The following CACNA1I variants were observed in gnomAD, a reference collection of about 807,000 sequenced individuals.
CACNA1I encodes calcium voltage-gated channel subunit alpha1 I.
In CACNA1I, 74 loss-of-function variants were observed where a neutral mutation model predicts 201.6. That is an observed-to-expected ratio of 0.37 (90% CI 0.30 to 0.45). CACNA1I has a LOEUF of 0.45. Among genes scored for constraint, CACNA1I ranks in the 20% least tolerant of loss-of-function variants. CACNA1I has a pLI of 1.00. For synonymous variants in CACNA1I, 1,431 were observed against 1,345.2 expected, an observed-to-expected ratio of 1.06 and a Z score of -1.40; for missense variants, 2,346 against 3,138.1, an observed-to-expected ratio of 0.75 and a Z score of 6.03.
In CACNA1I at chr22:39,640,063, G is replaced by C. The variant is rs60789220; in HGVS notation, c.741-804G>C. The stretch of plus-strand genomic sequence containing the variant: ...CTTCTGGATGGTCATAGTAGGGATT[G>C]TTGTCTGTTTTATAGATGAGGAAAT... On this transcript the variant is annotated intron_variant, in intron 5 of 36. Transcript: ENST00000402142. Among the ~76,000 whole-genome samples, 753 of 152,282 alleles carry C rather than the reference G, an allele frequency of 4.9e-3. 10 individuals carry two copies. Among genetic ancestry groups the C allele is most frequent in the African/African-American group, 0.017 (708 of 41,556 alleles).
In CACNA1I at chr22:39,650,601, C is replaced by T. The variant is rs1246682134; in HGVS notation, c.1992+676C>T. Among the ~76,000 whole-genome samples, 4 of 152,354 alleles carry T rather than the reference C, an allele frequency of 2.6e-5. No individual in the cohort carries two copies. The East Asian group carries it at 7.7e-4, about 29-fold the overall frequency. ...AGACCTTTGCATGACCCTCAAGGCCCCTTGTCTCTGTCACAACGTCCCTTC... is the reference window on the plus strand; with the variant it reads ...AGACCTTTGCATGACCCTCAAGGCCTCTTGTCTCTGTCACAACGTCCCTTC... On this transcript the variant is annotated intron_variant, in intron 10 of 36. Transcript: ENST00000402142.
Position 39,684,834 on chromosome 22 carries a change from A to T in CACNA1I, c.6027+336A>T. On this transcript the variant is annotated intron_variant, in intron 36 of 36. Coordinates refer to ENST00000402142, the MANE Select transcript of CACNA1I (RefSeq NM_021096.4). The surrounding 1 kb of genome is among the most constrained non-coding windows in gnomAD (Gnocchi z 4.6). ...TTTTGCAGGGTGGCGGGGTGCTGGC[A>T]GTGGGGAGGACACCCTGGGTGCTCT... 6.7e-6 allele frequency: 3 copies of T among 445,694 alleles called. No individual in the cohort carries two copies. Among genetic ancestry groups the T allele is most frequent in the East Asian group, 4.0e-5 (1 of 25,278 alleles). 27.6% of individuals were successfully genotyped at this position (445,694 alleles called of 1,614,324 possible).
chr22:39,581,884 G>A (rs968590249), intron 1 of CACNA1I, among the ~76,000 whole-genome samples: 5 of 152,266 alleles, frequency 3.3e-5, no homozygotes, highest in Non-Finnish European at 5.9e-5. Flanking sequence ...TTGCTCTCTA[G>A]TCTTCCTCTT....
chr22:39,622,266 C>T (rs1255692102), intron 4 of CACNA1I, among the ~76,000 whole-genome samples: 13 of 152,038 alleles, frequency 8.6e-5, no homozygotes, highest in Non-Finnish European at 1.8e-4. Context: ...TATACATGCT[C>T]CTGTGCCGGG....
intron 3 of CACNA1I, among the ~76,000 whole-genome samples, chr22:39,614,631 T>A (rs5757748): frequency 0.41 from 61,782 of 152,178 alleles, 13,298 homozygotes; most frequent in East Asian, 0.85. Flanking sequence ...GAACCAACCA[T>A]GGTGGCCCAG....
intron 1 of CACNA1I, among the ~76,000 whole-genome samples, chr22:39,581,877 C>A (rs1459056017): frequency 6.6e-6 from 1 of 152,230 alleles, no homozygotes; most frequent in Non-Finnish European, 1.5e-5. Context: ...CCATGCTTTG[C>A]TCTCTAGTCT....
chr22:39,684,250 G>T lies in CACNA1I; in HGVS notation c.5831-52G>T. 6.5e-7 allele frequency: 1 copy of T among 1,527,230 alleles called. No individual in the cohort carries two copies. The highest frequency in any genetic ancestry group is 9.0e-7 in the Non-Finnish European group (1 of 1,109,768). The allele number at this position is 1,527,230 out of a possible 1,614,324, so 94.6% of individuals were successfully genotyped here. A position where few individuals can be genotyped will look rare whatever the true frequency, so the allele number is the denominator to read the frequency against. The stretch of plus-strand genomic sequence containing the variant: ...TGCTCAATGCCACCTTCCAGGGGCT[G>T]CCCCCTGGCCTGAGCGTGCTCCCTC... On this transcript the variant is annotated intron_variant, in intron 35 of 36. Transcript: ENST00000402142. The surrounding 1 kb of genome is among the most constrained non-coding windows in gnomAD (Gnocchi z 4.6).
At position 39,598,200 on chromosome 22, in the gene CACNA1I, C is replaced by G; in HGVS notation, c.286C>G (p.Leu96Val). 6.2e-7 allele frequency: 1 copy of G among 1,609,656 alleles called. No individual in the cohort carries two copies. Among genetic ancestry groups the G allele is most frequent in the Non-Finnish European group, 8.5e-7 (1 of 1,178,302 alleles). ...MLVILLNCVTLGMYQPCDDMD... is the reference protein window; with the variant it reads ...MLVILLNCVTVGMYQPCDDMD... ...GGTGATCCTGCTGAACTGCGTGACA[C>G]TTGGCATGTACCAGCCGTGCGACGA... is the stretch of plus-strand genomic sequence containing the variant. Residue 96 changes from leucine to valine, a missense_variant, in exon 2 of 37, where the codon CTT becomes GTT. Physicochemically the swap from Leu to Val is conservative, Grantham distance 32 (BLOSUM62 1). Around this residue, in one of 13 missense-constraint regions of CACNA1I, gnomAD observed 130 missense variants for 160.7 expected, o/e 0.81. Coordinates refer to ENST00000402142, the MANE Select transcript of CACNA1I (RefSeq NM_021096.4).
intron 1 of CACNA1I, among the ~76,000 whole-genome samples, chr22:39,587,963 A>G (rs1419192067): frequency 6.6e-6 from 1 of 151,876 alleles, no homozygotes; most frequent in Admixed American, 6.6e-5. Flanking sequence ...TTTAGTAGAG[A>G]CAGGGTTTCA....
chr22:39,610,976 C>T (rs752915574), intron 3 of CACNA1I, among the ~76,000 whole-genome samples: 2 of 152,082 alleles, frequency 1.3e-5, no homozygotes, highest in Non-Finnish European at 2.9e-5. Flanking sequence ...CTCCTATAGG[C>T]CAGACGGAGG....
rs764749402 is a variant in CACNA1I, at chr22:39,659,647, C to A, written c.2449-50C>A. 6.2e-7 allele frequency: 1 copy of A among 1,609,434 alleles called. No individual in the cohort carries two copies. Among genetic ancestry groups the A allele is most frequent in the South Asian group, 1.1e-5 (1 of 90,926 alleles). Reference sequence around the variant, plus strand: ...ACAACTCCCATGCCTCCTTGTAGAGCCTAGCCCTGGACTAGGGGTACCCCA... The same window carrying A: ...ACAACTCCCATGCCTCCTTGTAGAGACTAGCCCTGGACTAGGGGTACCCCA... On this transcript the variant is annotated intron_variant, in intron 13 of 36. Coordinates refer to ENST00000402142, the MANE Select transcript of CACNA1I (RefSeq NM_021096.4). This position sits in a 1 kb window ranked among gnomAD's most constrained non-coding sequence, Gnocchi z 4.3.
rs1482030868 is a variant in CACNA1I at position 39,649,711 on chromosome 22, G to A, written c.1778G>A (p.Gly593Glu). 3 of 1,528,794 alleles carry A rather than the reference G, an allele frequency of 2.0e-6. No individual in the cohort carries two copies. The African/African-American group carries it at 4.1e-5, about 21-fold the overall frequency. The allele number at this position is 1,528,794 out of a possible 1,614,324, so 94.7% of individuals were successfully genotyped here. The change falls in exon 10 of 37, where the codon GGG becomes GAG. Residue 593 changes from glycine (G) to glutamate (E), a missense_variant. Transcript: ENST00000402142. This position sits in a 1 kb window ranked among gnomAD's most constrained non-coding sequence, Gnocchi z 7.3. ...AGGEDEADGD[G>E]ARSSEDGASS... is the part of the protein sequence containing the mutation. The stretch of plus-strand genomic sequence containing the variant: ...GGCGAGGACGAGGCGGATGGGGACG[G>A]GGCCCGGAGCAGCGAGGACGGAGCC...
At chr22:39,673,125 G>T in intron 28 of CACNA1I, 43 bp downstream of exon 28, 1 of 1,588,354 alleles carries the variant, frequency 6.3e-7, no homozygotes, top group Non-Finnish European at 8.6e-7. Context: ...ACAAGCAGGG[G>T]CGGGATGAGA....
At chr22:39,637,053 G>A (rs1934236311) in intron 5 of CACNA1I, among the ~76,000 whole-genome samples, 1 of 152,346 alleles carries the variant, frequency 6.6e-6, no homozygotes, top group Middle Eastern at 3.4e-3. Context: ...GGCTGTGTGG[G>A]TGTCAGGACA....
At position 39,667,312 on chromosome 22, in the gene CACNA1I, G is replaced by A. The variant is rs1283677511; in HGVS notation, c.4105-980G>A. Among the ~76,000 whole-genome samples the A allele has an allele frequency of 2.6e-5, 4 of 152,218 alleles. No individual in the cohort carries two copies. In the East Asian group the frequency reaches 7.7e-4, roughly 29 times the overall value. ...CCACCTGGGAAGGGAAGAGGAAGGG[G>A]TCTGTGCTCTGGATGGTGGGAAGGA... is the stretch of plus-strand genomic sequence containing the variant. On this transcript the variant is annotated intron_variant, in intron 23 of 36. Transcript: ENST00000402142.
At chr22:39,682,362 G>A in intron 34 of CACNA1I, 134 bp from the exon 35 acceptor site, 1 of 678,628 alleles carries the variant, frequency 1.5e-6, no homozygotes, top group Non-Finnish European at 2.5e-6. Flanking sequence ...TCAGGTAGAG[G>A]AGGTGAGAGG....
intron 3 of CACNA1I, among the ~76,000 whole-genome samples, chr22:39,610,381 C>T (rs903554330): frequency 6.6e-6 from 1 of 152,030 alleles, no homozygotes; most frequent in African/African-American, 2.4e-5. Flanking sequence ...GTTGGGTGGG[C>T]GTGGACTGGG....
At chr22:39,656,960 C>T (rs750198831) in intron 10 of CACNA1I, among the ~76,000 whole-genome samples, 1 of 152,120 alleles carries the variant, frequency 6.6e-6, no homozygotes, top group Non-Finnish European at 1.5e-5. Context: ...CCAGGGGAGC[C>T]GTGGCAGGGA....
chr22:39,627,269 T>G (rs936587100), intron 4 of CACNA1I, among the ~76,000 whole-genome samples: 5 of 152,210 alleles, frequency 3.3e-5, no homozygotes, highest in African/African-American at 9.7e-5. Context: ...GCTCCAGACC[T>G]CTGAGTGCCT....
Sources: gnomAD v4.1 joint callset for allele counts (sites outside exome capture counted in the v4.1 genomes callset) on GRCh38, gnomAD v4.1.1 for gene constraint, gnomAD v4.1.1 regional missense constraint, Gnocchi (gnomAD v3.1) non-coding constraint, MANE v1.5 for transcripts, NCBI Gene and HGNC (gene_info 2026-07-23, HGNC 2026-07-21) for gene names.